ARID4B: variants seen among roughly 807,000 people sequenced by gnomAD.
ARID4B encodes the protein AT-rich interactive domain-containing protein 4B.
Under a neutral mutation model 147.5 loss-of-function variants are expected in ARID4B, and 26 were observed. The ratio of observed to expected loss-of-function variants is 0.18; its 90% CI spans 0.13 to 0.24. ARID4B has a LOEUF of 0.24. ARID4B is among the 10% of genes least tolerant of loss of function. The probability of loss-of-function intolerance (pLI) is 1.00; values close to 1 mark genes in which losing one functional copy is unlikely to be tolerated. For synonymous variants in ARID4B, 512 were observed against 507.9 expected (o/e 1.01, Z -0.11); for missense variants, 1,179 against 1,511.5 (o/e 0.78, Z 3.65).
chr1:235,321,973 TC>T (rs1434601445), intron 2 of ARID4B, among the ~76,000 whole-genome samples: 2 of 152,230 alleles, frequency 1.3e-5, no homozygotes, highest in African/African-American at 4.8e-5. Flanking sequence ...AACCTCCAGC[TC>T]CTGGGTTCAA....
At chr1:235,246,548 A>C in intron 6 of ARID4B, 37 bp from the exon 7 acceptor site, 1 of 1,442,000 alleles carries the variant, frequency 6.9e-7, no homozygotes, top group Non-Finnish European at 9.7e-7. Context: ...AAAAATTAAC[A>C]CTTTGCAAGT....
chr1:235,189,860 G>GT (rs1479715270), intron 19 of ARID4B, among the ~76,000 whole-genome samples: 1 of 152,054 alleles, frequency 6.6e-6, no homozygotes, highest in Non-Finnish European at 1.5e-5. Flanking sequence ...GGGCAATATA[G>GT]TAACACCTCA....
chr1:235,267,839 G>T (rs1418660411), intron 2 of ARID4B, among the ~76,000 whole-genome samples: 1 of 151,994 alleles, frequency 6.6e-6, no homozygotes, highest in Non-Finnish European at 1.5e-5. Flanking sequence ...GGGAGGCGGA[G>T]CTTGCAGTGA....
At chr1:235,293,303 A>G (rs1327723188) in intron 2 of ARID4B, among the ~76,000 whole-genome samples, 1 of 152,214 alleles carries the variant, frequency 6.6e-6, no homozygotes, top group East Asian at 1.9e-4. Context: ...TCATTAACAC[A>G]AACTTCTACA....
At chr1:235,203,481 A>G (rs1349631569) in intron 17 of ARID4B, among the ~76,000 whole-genome samples, 1 of 152,184 alleles carries the variant, frequency 6.6e-6, no homozygotes, top group Admixed American at 6.5e-5. Flanking sequence ...TCGTAAGTAA[A>G]ATCAAATTAA....
chr1:235,280,154 T>C (rs967184184), intron 2 of ARID4B, among the ~76,000 whole-genome samples: 1 of 152,202 alleles, frequency 6.6e-6, no homozygotes, highest in Non-Finnish European at 1.5e-5. Context: ...CATATAATGA[T>C]AAAAACACTG....
intron 11 of ARID4B, 92 bp from the exon 12 acceptor site, chr1:235,224,867 AT>A: frequency 1.2e-6 from 1 of 826,166 alleles, no homozygotes; most frequent in African/African-American, 1.7e-5. Flanking sequence ...ACTAGTGTTC[AT>A]TAAAATACTT....
rs1306324963 is a variant in ARID4B, at chr1:235,230,107, T to C, written c.743-722A>G. 4.6e-5 allele frequency among the ~76,000 whole-genome samples: 7 copies of C among 152,090 alleles called. No individual in the cohort carries two copies. The East Asian group carries it at 1.3e-3, about 29-fold the overall frequency. ...AGGATGTACATTCATTAGTGAGAAA[T>C]ACCAAACCAAAATTACTTTGATTCC... On this transcript the variant is annotated intron_variant, in intron 10 of 23. Coordinates refer to ENST00000264183, the MANE Select transcript of ARID4B (RefSeq NM_016374.6).
chr1:235,278,758 C>T (rs1190488848), intron 2 of ARID4B, among the ~76,000 whole-genome samples: 1 of 152,180 alleles, frequency 6.6e-6, no homozygotes, highest in Non-Finnish European at 1.5e-5. Context: ...ACAATGAAGT[C>T]TTCAATTGTC....
In ARID4B at chr1:235,169,501, A is replaced by C. The variant is rs547419376; in HGVS notation, c.3812-849T>G. On this transcript the variant is annotated intron_variant, in intron 23 of 23. Transcript: ENST00000264183. Reference sequence around the variant, plus strand: ...CATGATCCGCCCATCTCAGCCTCCCAAAATGCCGGGATTACAGGTGTGAGC... The same window carrying C: ...CATGATCCGCCCATCTCAGCCTCCCCAAATGCCGGGATTACAGGTGTGAGC... Among the ~76,000 whole-genome samples, 23 of 151,022 alleles carry C rather than the reference A, an allele frequency of 1.5e-4. No homozygotes were observed. The East Asian group carries it at 4.3e-3, about 28-fold the overall frequency.
chr1:235,308,812 T>C (rs1274416637), intron 2 of ARID4B, among the ~76,000 whole-genome samples: 1 of 152,088 alleles, frequency 6.6e-6, no homozygotes, highest in Non-Finnish European at 1.5e-5. Flanking sequence ...AGTGGCGTGA[T>C]CTCGGCTCGC....
chr1:235,231,478 T>C (rs1213404950), intron 9 of ARID4B, among the ~76,000 whole-genome samples: 1 of 152,076 alleles, frequency 6.6e-6, no homozygotes, highest in Non-Finnish European at 1.5e-5. Context: ...ACTGAAAACT[T>C]TTTTTGTTTT....
Position 235,219,796 on chromosome 1 carries a change from G to T in ARID4B, c.1580C>A (p.Ser527Tyr). 6.3e-7 allele frequency: 1 copy of T among 1,594,716 alleles called. No homozygotes were observed. Among genetic ancestry groups the T allele is most frequent in the Non-Finnish European group, 8.5e-7 (1 of 1,174,622 alleles). Residue 527 changes from serine (S) to tyrosine (Y), a missense_variant, in exon 16 of 24, where the codon TCT becomes TAT. Ser to Tyr is a moderately radical substitution (Grantham distance 144). Around this residue, in one of 10 missense-constraint regions of ARID4B, gnomAD observed 204 missense variants for 210.9 expected, o/e 0.97. Transcript: ENST00000264183. ...TAACCAAAAACAATTTTCTTACCCA[G>T]ATTTTGCTTTTTCTTCCTCAGCTTC... ...KVEAEEEKAK[S>Y]GDETNKEEDE...
intron 2 of ARID4B, among the ~76,000 whole-genome samples, chr1:235,295,245 C>T (rs1672611015): frequency 6.6e-6 from 1 of 152,182 alleles, no homozygotes; most frequent in Non-Finnish European, 1.5e-5. Flanking sequence ...CATAGTGGCT[C>T]ACGCCTGTAA....
At chr1:235,183,158 A>G (rs1313530015) in intron 19 of ARID4B, among the ~76,000 whole-genome samples, 2 of 152,138 alleles carry the variant, frequency 1.3e-5, no homozygotes, top group Non-Finnish European at 2.9e-5. Context: ...AATATATCTG[A>G]GAAAATAGTG....
At chr1:235,169,673 T>TC (rs1663197276) in intron 23 of ARID4B, among the ~76,000 whole-genome samples, 1 of 151,566 alleles carries the variant, frequency 6.6e-6, no homozygotes, top group Non-Finnish European at 1.5e-5. Context: ...TTTTTTTTTT[T>TC]CCTTTGAGAT....
chr1:235,237,704 T>C (rs920823488), intron 8 of ARID4B, among the ~76,000 whole-genome samples: 6 of 152,202 alleles, frequency 3.9e-5, no homozygotes, highest in Non-Finnish European at 7.3e-5. Flanking sequence ...TTATATATAT[T>C]ATGGACATAA....
chr1:235,309,214 A>C (rs1277231383), intron 2 of ARID4B, among the ~76,000 whole-genome samples: 1 of 133,652 alleles, frequency 7.5e-6, no homozygotes, highest in African/African-American at 2.9e-5. Flanking sequence ...GCCCCGTCTG[A>C]GAAGTGGGGA....
intron 2 of ARID4B, among the ~76,000 whole-genome samples, chr1:235,320,908 A>G (rs758688548): frequency 6.6e-6 from 1 of 152,172 alleles, no homozygotes; most frequent in Non-Finnish European, 1.5e-5. Flanking sequence ...CACCTAATCT[A>G]AAGTAACCCA....
Sources: allele counts gnomAD v4.1 joint callset (sites outside exome capture counted in the v4.1 genomes callset), GRCh38; gene constraint gnomAD v4.1.1; regional missense constraint gnomAD v4.1.1; transcripts MANE v1.5; gene names NCBI Gene and HGNC (gene_info 2026-07-23, HGNC 2026-07-21).